The following PALLD variants were observed in gnomAD, a reference collection of about 807,000 sequenced individuals.
The protein encoded by PALLD is palladin, cytoskeletal associated protein.
Under a neutral mutation model 123.5 loss-of-function variants are expected in PALLD, and 61 were observed. That is an observed-to-expected ratio of 0.49 (90% CI 0.40 to 0.61). The LOEUF (loss-of-function observed/expected upper bound fraction) is 0.61. PALLD is among the 20% of genes least tolerant of loss of function. The pLI is 0.00. For missense variants in PALLD, 1,273 were observed against 1,377.0 expected (o/e 0.92, Z 1.20); for synonymous variants, 465 against 496.4 (o/e 0.94, Z 0.84).
intron 2 of PALLD, among the ~76,000 whole-genome samples, chr4:168,538,864 T>C (rs1561223646): frequency 6.6e-6 from 1 of 152,224 alleles, no homozygotes; most frequent in South Asian, 2.1e-4. Flanking sequence ...AGTCATTGTG[T>C]CTTTCTCTAG....
chr4:168,903,394 G>A (rs1161853411), intron 14 of PALLD, among the ~76,000 whole-genome samples: 1 of 151,750 alleles, frequency 6.6e-6, no homozygotes, highest in African/African-American at 2.4e-5. Flanking sequence ...AAGAAAAATG[G>A]CCTTCATAGA....
chr4:168,529,993 G>A (rs1189354313), intron 2 of PALLD, among the ~76,000 whole-genome samples: 1 of 152,120 alleles, frequency 6.6e-6, no homozygotes, highest in East Asian at 1.9e-4. Context: ...TCTAAATGGT[G>A]CACATTTAAC....
At chr4:168,746,452 G>A (rs1390378669) in intron 10 of PALLD, among the ~76,000 whole-genome samples, 1 of 140,002 alleles carries the variant, frequency 7.1e-6, no homozygotes, top group African/African-American at 2.6e-5. Context: ...TAACACCTGA[G>A]ACAGAAAACC....
At chr4:168,596,529 G>A (rs138235533) in intron 2 of PALLD, among the ~76,000 whole-genome samples, 377 of 152,198 alleles carry the variant, frequency 2.5e-3, no homozygotes, top group Non-Finnish European at 3.7e-3. Flanking sequence ...AATGAGCTAA[G>A]AGCCTGGAGA....
intron 10 of PALLD, among the ~76,000 whole-genome samples, chr4:168,732,131 G>A (rs1006767293): frequency 6.6e-6 from 1 of 152,188 alleles, no homozygotes; most frequent in Non-Finnish European, 1.5e-5. Flanking sequence ...CTCATTCTGT[G>A]ACAAAGTGCT....
In PALLD at chr4:168,615,459, T is replaced by C. The variant is rs114159917; in HGVS notation, c.909-52731T>C. On this transcript the variant is annotated intron_variant, in intron 2 of 21. Coordinates refer to ENST00000505667, the MANE Select transcript of PALLD (RefSeq NM_001166108.2). ...ACAGAACTTGGGCTCTGGGTGTCAG[T>C]ATCTGGCCCGAGTCCATTTAGTGGC... 4.0e-3 allele frequency among the ~76,000 whole-genome samples: 602 copies of C among 152,356 alleles called. 8 individuals are homozygous for C. The highest frequency in any genetic ancestry group is 0.014 in the African/African-American group (578 of 41,584).
intron 20 of PALLD, 67 bp downstream of exon 20, chr4:168,925,145 CA>C: frequency 6.3e-7 from 1 of 1,586,992 alleles, no homozygotes. Flanking sequence ...GACATCTGGA[CA>C]GCAAATCACA....
At chr4:168,802,489 T>C (rs1739489319) in intron 10 of PALLD, among the ~76,000 whole-genome samples, 1 of 152,214 alleles carries the variant, frequency 6.6e-6, no homozygotes, top group Non-Finnish European at 1.5e-5. Flanking sequence ...AAATCAAATG[T>C]TGCATGTTCT....
chr4:168,858,063 A>T (rs1200764344), intron 10 of PALLD, among the ~76,000 whole-genome samples: 1 of 152,254 alleles, frequency 6.6e-6, no homozygotes, highest in Non-Finnish European at 1.5e-5. Context: ...TTCATTGAGA[A>T]ATAGAAACTC....
intron 10 of PALLD, among the ~76,000 whole-genome samples, chr4:168,794,492 A>ACG (rs796411268): frequency 3.2e-4 from 44 of 138,112 alleles, no homozygotes; most frequent in African/African-American, 1.3e-3. Context: ...ACACACATGC[A>ACG]CGCACACACA....
At chr4:168,765,990 T>G (rs913925275) in intron 10 of PALLD, among the ~76,000 whole-genome samples, 3 of 152,248 alleles carry the variant, frequency 2.0e-5, no homozygotes, top group African/African-American at 7.2e-5. Flanking sequence ...TCCAGGTGGC[T>G]TTCTGCCATG....
chr4:168,691,657 T>G (rs1404455334), intron 8 of PALLD, among the ~76,000 whole-genome samples: 2 of 152,196 alleles, frequency 1.3e-5, no homozygotes, highest in Admixed American at 1.3e-4. Context: ...CTATTTGTAC[T>G]GATCAGAACC....
Position 168,683,094 on chromosome 4 carries a change from T to C in PALLD, c.1251T>C (p.Pro417=). Residue 417 remains proline, a synonymous_variant, in exon 5 of 22, where the codon CCT becomes CCC. Coordinates refer to ENST00000505667, the MANE Select transcript of PALLD (RefSeq NM_001166108.2). ...TTAVIQPLSV[P]VQQVHSPTSY... is the part of the protein sequence containing the mutation. ...CTGTGATTCAACCACTGTCTGTCCC[T>C]GTGCAACAGGTAAGTATGCTTTGAG... The C allele has an allele frequency of 6.3e-7, 1 of 1,597,300 alleles. No individual in the cohort carries two copies. Among genetic ancestry groups the C allele is most frequent in the South Asian group, 1.1e-5 (1 of 90,594 alleles).
intron 10 of PALLD, among the ~76,000 whole-genome samples, chr4:168,823,082 G>A (rs1005449414): frequency 6.6e-6 from 1 of 151,854 alleles, no homozygotes; most frequent in Non-Finnish European, 1.5e-5. Context: ...TTGGTATAAC[G>A]ATGAATGTAA....
intron 10 of PALLD, among the ~76,000 whole-genome samples, chr4:168,793,224 CAT>C (rs1737839372): frequency 1.0e-4 from 1 of 9,966 alleles, no homozygotes; most frequent in African/African-American, 3.1e-4. Flanking sequence ...TATATGTGTG[CAT>C]ATATATACAT....
intron 2 of PALLD, among the ~76,000 whole-genome samples, chr4:168,544,659 C>T (rs537243802): frequency 2.6e-5 from 4 of 152,314 alleles, no homozygotes; most frequent in African/African-American, 9.6e-5. Flanking sequence ...TTTCGTTTTA[C>T]ACTTATTTCT....
intron 2 of PALLD, among the ~76,000 whole-genome samples, chr4:168,573,797 TG>T (rs1769244581): frequency 6.6e-6 from 1 of 152,138 alleles, no homozygotes. Flanking sequence ...ATTATTGGTG[TG>T]GAAAAACAGT....
intron 2 of PALLD, among the ~76,000 whole-genome samples, chr4:168,619,490 A>G (rs1041891421): frequency 1.2e-4 from 18 of 152,230 alleles, no homozygotes; most frequent in Non-Finnish European, 5.9e-5. Context: ...AGATGATGTC[A>G]CTGCTGTTGT....
At chr4:168,617,027 C>A (rs913544980) in intron 2 of PALLD, among the ~76,000 whole-genome samples, 1 of 152,188 alleles carries the variant, frequency 6.6e-6, no homozygotes, top group African/African-American at 2.4e-5. Context: ...TTAATTGACA[C>A]ACGCACTTGC....
Sources: gnomAD v4.1 joint callset for allele counts (sites outside exome capture counted in the v4.1 genomes callset) on GRCh38, gnomAD v4.1.1 for gene constraint, MANE v1.5 for transcripts, NCBI Gene and HGNC (gene_info 2026-07-23, HGNC 2026-07-21) for gene names.